Variants in DCC observed in about 807,000 individuals in gnomAD.
DCC encodes DCC netrin 1 receptor, also known as netrin receptor DCC.
A neutral mutation model predicts 172.5 loss-of-function variants in DCC; 58 were observed. That is an observed-to-expected ratio of 0.34 (90% CI 0.27 to 0.42). The LOEUF (loss-of-function observed/expected upper bound fraction) is 0.42. Ranked by LOEUF, DCC falls within the 10% of genes least tolerant of loss-of-function variation. The probability of loss-of-function intolerance (pLI) is 1.00; values close to 1 mark genes in which losing one functional copy is unlikely to be tolerated. For synonymous variants in DCC, 709 were observed against 644.5 expected, an observed-to-expected ratio of 1.10 and a Z score of -1.52; for missense variants, 1,740 against 1,791.0, an observed-to-expected ratio of 0.97 and a Z score of 0.51.
At chr18:53,201,586 T>A (rs1269852422) in intron 9 of DCC, among the ~76,000 whole-genome samples, 1 of 152,210 alleles carries the variant, frequency 6.6e-6, no homozygotes, top group Admixed American at 6.5e-5. Flanking sequence ...ACAAATTATT[T>A]ATGTTTTTTT....
At chr18:53,267,110 TCACACACACACA>T (rs140978906) in intron 12 of DCC, among the ~76,000 whole-genome samples, 4 of 137,434 alleles carry the variant, frequency 2.9e-5, no homozygotes, top group Admixed American at 7.1e-5. Flanking sequence ...ACTCTCTCTC[TCACACACACACA>T]CACACACACA....
chr18:52,851,312 T>C (rs927006900), intron 2 of DCC, among the ~76,000 whole-genome samples: 4 of 152,146 alleles, frequency 2.6e-5, no homozygotes, highest in Admixed American at 6.5e-5. Context: ...ACACATTTTC[T>C]TAAAAGTGTT....
intron 1 of DCC, among the ~76,000 whole-genome samples, chr18:52,566,453 C>T (rs940025466): frequency 5.9e-5 from 9 of 151,984 alleles, no homozygotes; most frequent in African/African-American, 1.9e-4. Context: ...ACCACCATGG[C>T]ACATGCATAC....
intron 1 of DCC, among the ~76,000 whole-genome samples, chr18:52,459,348 C>G (rs1988555688): frequency 6.6e-6 from 1 of 152,122 alleles, no homozygotes; most frequent in Admixed American, 6.5e-5. Flanking sequence ...TCTTCCTCCT[C>G]CCACCCTCCA....
intron 1 of DCC, among the ~76,000 whole-genome samples, chr18:52,747,180 G>T (rs1490147867): frequency 1.3e-5 from 2 of 152,166 alleles, no homozygotes; most frequent in African/African-American, 4.8e-5. Flanking sequence ...TCTGATGTCA[G>T]ACTCCGTTGT....
intron 2 of DCC, among the ~76,000 whole-genome samples, chr18:52,790,678 C>G (rs1485020975): frequency 6.6e-6 from 1 of 152,172 alleles, no homozygotes; most frequent in Non-Finnish European, 1.5e-5. Flanking sequence ...TTCCTATCAA[C>G]AGTGGTGTTT....
intron 11 of DCC, among the ~76,000 whole-genome samples, chr18:53,208,882 C>A (rs557825961): frequency 1.1e-4 from 16 of 152,244 alleles, no homozygotes; most frequent in African/African-American, 3.9e-4. Context: ...AGGTGCATGC[C>A]ACCACCCCTG....
At chr18:52,936,013 A>G (rs1454464640) in intron 5 of DCC, among the ~76,000 whole-genome samples, 1 of 152,092 alleles carries the variant, frequency 6.6e-6, no homozygotes, top group African/African-American at 2.4e-5. Context: ...ATTATCCTCT[A>G]CAATGTAATT....
At chr18:52,990,121 A>C (rs1018269079) in intron 5 of DCC, among the ~76,000 whole-genome samples, 2 of 152,052 alleles carry the variant, frequency 1.3e-5, no homozygotes, top group African/African-American at 4.8e-5. Flanking sequence ...TATTCTTTCA[A>C]GCAACCATAG....
At chr18:52,721,717 A>C (rs2036476193) in intron 1 of DCC, among the ~76,000 whole-genome samples, 1 of 152,156 alleles carries the variant, frequency 6.6e-6, no homozygotes, top group South Asian at 2.1e-4. Context: ...GAGGTACCCC[A>C]AATCACTTTT....
At chr18:53,020,913 C>A (rs188082148) in intron 5 of DCC, among the ~76,000 whole-genome samples, 19 of 151,170 alleles carry the variant, frequency 1.3e-4, no homozygotes, top group African/African-American at 4.6e-4. Flanking sequence ...ACCTCTAGAC[C>A]AATAGAAGAA....
At chr18:52,545,642 AT>A (rs1349135699) in intron 1 of DCC, among the ~76,000 whole-genome samples, 36 of 152,226 alleles carry the variant, frequency 2.4e-4, no homozygotes, top group African/African-American at 8.2e-4. Flanking sequence ...GTCCCAGGAG[AT>A]TATCATAGGT....
At chr18:52,886,269 G>A (rs1261134868) in intron 2 of DCC, among the ~76,000 whole-genome samples, 1 of 152,040 alleles carries the variant, frequency 6.6e-6, no homozygotes, top group African/African-American at 2.4e-5. Flanking sequence ...TGCCTTTTGA[G>A]TTTACTTAGA....
In DCC at chr18:52,563,738, C is replaced by T. The variant is rs149146097; in HGVS notation, c.92-188316C>T. Among the ~76,000 whole-genome samples, 4 of 152,202 alleles carry T rather than the reference C, an allele frequency of 2.6e-5. No homozygotes were observed. In the East Asian group the frequency reaches 7.7e-4, roughly 29 times the overall value. Reference sequence around the variant, plus strand: ...TTTTTCCCTGGAACTATATAGAACCCTATCTTTAAAGTAGTCTCCTCGGAA... The same window carrying T: ...TTTTTCCCTGGAACTATATAGAACCTTATCTTTAAAGTAGTCTCCTCGGAA... On this transcript the variant is annotated intron_variant, in intron 1 of 28. Transcript: ENST00000442544.
chr18:52,904,025 A>T (rs2039845441), intron 2 of DCC, among the ~76,000 whole-genome samples: 1 of 152,256 alleles, frequency 6.6e-6, no homozygotes, highest in African/African-American at 2.4e-5. Context: ...GTTCTAACTG[A>T]AAAAGAATAA....
intron 12 of DCC, among the ~76,000 whole-genome samples, chr18:53,296,978 A>G (rs771890544): frequency 3.9e-5 from 6 of 152,172 alleles, no homozygotes; most frequent in Non-Finnish European, 7.3e-5. Context: ...ACTGTGTTTG[A>G]CGAGGATCAA....
Position 53,074,445 on chromosome 18 carries a change from A to G in DCC, c.1261+8279A>G, listed in dbSNP as rs2042698180. 1.3e-5 allele frequency among the ~76,000 whole-genome samples: 2 copies of G among 152,200 alleles called. 1 individual carries two copies. Among genetic ancestry groups the G allele is most frequent in the South Asian group, 4.1e-4 (2 of 4,834 alleles). ...GATATTATAGCTCATAAGCTTCCCTAGAACGTTTTCCTTTATAAGCCTTGG... is the reference window on the plus strand; with the variant it reads ...GATATTATAGCTCATAAGCTTCCCTGGAACGTTTTCCTTTATAAGCCTTGG... On this transcript the variant is annotated intron_variant, in intron 7 of 28. Coordinates refer to ENST00000442544, the MANE Select transcript of DCC (RefSeq NM_005215.4).
chr18:53,485,052 C>T (rs903417698), intron 25 of DCC, among the ~76,000 whole-genome samples: 4 of 151,906 alleles, frequency 2.6e-5, no homozygotes, highest in African/African-American at 7.3e-5. Flanking sequence ...GTGAGATGAA[C>T]AAGTCTAGAG....
At chr18:53,207,596 C>A in intron 10 of DCC, 83 bp from the exon 11 acceptor site, 1 of 1,288,468 alleles carries the variant, frequency 7.8e-7, no homozygotes, top group South Asian at 1.2e-5. Flanking sequence ...GTCTAATGTC[C>A]AATTCACTGA....
Sources: allele counts gnomAD v4.1 joint callset (sites outside exome capture counted in the v4.1 genomes callset), GRCh38; gene constraint gnomAD v4.1.1; transcripts MANE v1.5; gene names NCBI Gene and HGNC (gene_info 2026-07-23, HGNC 2026-07-21).